The following WDFY2 variants were observed in gnomAD, a reference collection of about 807,000 sequenced individuals.
WDFY2 encodes WD repeat and FYVE domain-containing protein 2.
In WDFY2, 36 loss-of-function variants were observed where a neutral mutation model predicts 56.4. The ratio of observed to expected loss-of-function variants is 0.64; its 90% CI spans 0.49 to 0.84. The LOEUF (loss-of-function observed/expected upper bound fraction) is 0.84, where lower values mean the gene tolerates loss of function less well. WDFY2 is among the 40% of genes least tolerant of loss of function. The pLI, the probability that WDFY2 is intolerant of heterozygous loss-of-function variation, is 0.00. For synonymous variants in WDFY2, 176 were observed against 183.7 expected, an observed-to-expected ratio of 0.96 and a Z score of 0.34; for missense variants, 444 against 512.2, an observed-to-expected ratio of 0.87 and a Z score of 1.29.
chr13:51,684,988 C>T (rs906951291), intron 3 of WDFY2, among the ~76,000 whole-genome samples: 2 of 152,170 alleles, frequency 1.3e-5, no homozygotes, highest in African/African-American at 4.8e-5. Context: ...CCTTCATTCT[C>T]CCCACTTGGT....
At chr13:51,630,922 G>A (rs908859409) in intron 1 of WDFY2, among the ~76,000 whole-genome samples, 7 of 151,568 alleles carry the variant, frequency 4.6e-5, no homozygotes, top group Non-Finnish European at 2.9e-5. Flanking sequence ...GGGATTACAG[G>A]TGTGTGCCAC....
At chr13:51,692,537 A>C (rs1240713943) in intron 3 of WDFY2, among the ~76,000 whole-genome samples, 2 of 152,200 alleles carry the variant, frequency 1.3e-5, no homozygotes, top group African/African-American at 4.8e-5. Context: ...CATCCCAGGG[A>C]TGAAGCCCAC....
intron 4 of WDFY2, among the ~76,000 whole-genome samples, chr13:51,705,018 A>C (rs1299078530): frequency 6.6e-6 from 1 of 152,196 alleles, no homozygotes; most frequent in African/African-American, 2.4e-5. Flanking sequence ...CAAAGATACC[A>C]AAACTTCCAC....
At chr13:51,630,294 TG>T (rs1954927675) in intron 1 of WDFY2, among the ~76,000 whole-genome samples, 1 of 152,196 alleles carries the variant, frequency 6.6e-6, no homozygotes, top group South Asian at 2.1e-4. Flanking sequence ...TTATAGCATG[TG>T]AATGTAGAGT....
intron 2 of WDFY2, among the ~76,000 whole-genome samples, chr13:51,666,383 A>G (rs1427024946): frequency 1.3e-5 from 2 of 152,196 alleles, no homozygotes; most frequent in African/African-American, 2.4e-5. Flanking sequence ...TTTTTCAGAC[A>G]CGAGGGCCAG....
At chr13:51,596,541 A>G (rs1954153567) in intron 1 of WDFY2, among the ~76,000 whole-genome samples, 2 of 152,252 alleles carry the variant, frequency 1.3e-5, no homozygotes, top group South Asian at 2.1e-4. Flanking sequence ...TGATTTAAAT[A>G]CAGTTTGAGT....
intron 2 of WDFY2, among the ~76,000 whole-genome samples, chr13:51,661,807 G>A (rs112903196): frequency 2.6e-5 from 4 of 152,124 alleles, no homozygotes; most frequent in Admixed American, 6.5e-5. Context: ...TTGTAATTCC[G>A]AATGCTATAT....
chr13:51,592,310 C>CA (rs1264048734), intron 1 of WDFY2: 1 of 152,158 alleles, frequency 6.6e-6, no homozygotes, highest in Non-Finnish European at 1.5e-5. Context: ...TGGGGTGGCT[C>CA]ACGCCTGTAA....
intron 1 of WDFY2, among the ~76,000 whole-genome samples, chr13:51,656,435 A>G (rs1331565827): frequency 6.6e-6 from 1 of 151,988 alleles, no homozygotes; most frequent in South Asian, 2.1e-4. Flanking sequence ...AGAATGTTCC[A>G]TGTGTACTTC....
intron 1 of WDFY2, chr13:51,591,648 G>A (rs2138287931): frequency 6.6e-6 from 1 of 152,266 alleles, no homozygotes; most frequent in East Asian, 1.9e-4. Context: ...TTCTGTTGCA[G>A]CCCTTATAAG....
intron 4 of WDFY2, among the ~76,000 whole-genome samples, chr13:51,711,380 C>T (rs554740481): frequency 6.6e-6 from 1 of 152,184 alleles, no homozygotes; most frequent in Non-Finnish European, 1.5e-5. Context: ...TAGGCATGGG[C>T]AAGGACTTCA....
chr13:51,679,398 G>A (rs1955940855), intron 3 of WDFY2, among the ~76,000 whole-genome samples: 1 of 151,982 alleles, frequency 6.6e-6, no homozygotes, highest in African/African-American at 2.4e-5. Flanking sequence ...ATAAATGCAT[G>A]GTCATTGAAG....
chr13:51,606,374 G>A (rs1954385212), intron 1 of WDFY2, among the ~76,000 whole-genome samples: 2 of 152,140 alleles, frequency 1.3e-5, no homozygotes, highest in Admixed American at 6.5e-5. Flanking sequence ...TATATTTGGA[G>A]AAGAAATTAC....
intron 7 of WDFY2, among the ~76,000 whole-genome samples, chr13:51,739,479 G>GA (rs985808445): frequency 5.5e-5 from 8 of 145,776 alleles, no homozygotes; most frequent in African/African-American, 7.6e-5. Flanking sequence ...TGAGAGTGAG[G>GA]AAAAAAAAAA....
chr13:51,739,775 C>A (rs1952926494), intron 7 of WDFY2, among the ~76,000 whole-genome samples: 1 of 152,184 alleles, frequency 6.6e-6, no homozygotes, highest in Non-Finnish European at 1.5e-5. Flanking sequence ...GATGTCCGGT[C>A]CCTGTCTGCT....
intron 1 of WDFY2, among the ~76,000 whole-genome samples, chr13:51,635,985 A>G (rs951439931): frequency 1.8e-4 from 28 of 152,180 alleles, no homozygotes; most frequent in African/African-American, 6.8e-4. Context: ...AAGCACCTAC[A>G]TACACTTTAA....
chr13:51,691,470 T>A (rs1266124307), intron 3 of WDFY2, among the ~76,000 whole-genome samples: 1 of 150,798 alleles, frequency 6.6e-6, no homozygotes, highest in Non-Finnish European at 1.5e-5. Context: ...TCCCCATTGC[T>A]TGTTTTTCTC....
intron 2 of WDFY2, among the ~76,000 whole-genome samples, chr13:51,668,622 G>A (rs1209108606): frequency 6.6e-6 from 1 of 152,184 alleles, no homozygotes; most frequent in African/African-American, 2.4e-5. Flanking sequence ...TTGTCGGGCT[G>A]TATTGCTCAT....
rs1380635232 is a variant in WDFY2 at position 51,760,814 on chromosome 13, G to A, written c.*1045G>A. 2.6e-5 allele frequency: 4 copies of A among 152,316 alleles called. No individual in the cohort carries two copies. Among genetic ancestry groups the A allele is most frequent in the Admixed American group, 6.5e-5 (1 of 15,284 alleles). 9.4% of individuals were successfully genotyped at this position (152,316 alleles called of 1,614,324 possible). ...GTTTCTGCTCCTGTGAGAATCTGAC[G>A]CCACCGCTGATCTGATGGGAGGCGG... On this transcript the variant is annotated 3_prime_UTR_variant, in exon 12 of 12. Coordinates refer to ENST00000298125, the MANE Select transcript of WDFY2 (RefSeq NM_052950.4).
Sources: gnomAD v4.1 joint callset for allele counts (sites outside exome capture counted in the v4.1 genomes callset) on GRCh38, gnomAD v4.1.1 for gene constraint, MANE v1.5 for transcripts, NCBI Gene and HGNC (gene_info 2026-07-23, HGNC 2026-07-21) for gene names.